UBE3A: variants seen among roughly 807,000 people sequenced by gnomAD.
UBE3A encodes the protein ubiquitin-protein ligase E3A.
In UBE3A, 6 loss-of-function variants were observed where a neutral mutation model predicts 83.4. That is an observed-to-expected ratio of 0.07 (90% CI 0.04 to 0.14). The LOEUF is 0.14. UBE3A is among the 10% of genes least tolerant of loss of function. UBE3A has a pLI of 1.00. For synonymous variants in UBE3A, 337 were observed against 355.4 expected (o/e 0.95, Z 0.58); for missense variants, 456 against 1,036.1 (o/e 0.44, Z 7.69).
chr15:25,356,618 T>G (rs2077249983), intron 8 of UBE3A, 73 bp downstream of exon 8: 1 of 1,457,240 alleles, frequency 6.9e-7, no homozygotes, highest in Non-Finnish European at 9.5e-7. Flanking sequence ...ACTTTAAAAT[T>G]TTGACATAAA....
At chr15:25,340,600 A>C (rs905538617) in intron 11 of UBE3A, among the ~76,000 whole-genome samples, 4 of 152,144 alleles carry the variant, frequency 2.6e-5, no homozygotes, top group Non-Finnish European at 5.9e-5. Context: ...ATTTGGAAAA[A>C]TTAACTCCAG....
At chr15:25,385,860 G>C (rs2083031472) in intron 4 of UBE3A, among the ~76,000 whole-genome samples, 1 of 152,244 alleles carries the variant, frequency 6.6e-6, no homozygotes, top group African/African-American at 2.4e-5. Context: ...CCAATTATAG[G>C]GGGAGCCCTA....
At position 25,371,165 on chromosome 15, in the gene UBE3A, T is replaced by A. The variant is rs368318081; in HGVS notation, c.1009A>T (p.Met337Leu). The A allele has an allele frequency of 2.1e-5, 34 of 1,614,062 alleles. No homozygotes were observed. The highest frequency in any genetic ancestry group is 2.7e-5 in the Non-Finnish European group (32 of 1,180,036). ...KYNADQIRRM[M>L]ETFQQLITYK... The stretch of plus-strand genomic sequence containing the variant: ...GTAATAAGTTGCTGAAATGTCTCCA[T>A]CATTCTCCGAATCTGGTCTGCATTG... The change falls in exon 6 of 13, where the codon ATG (methionine) becomes TTG (leucine). Residue 337 changes from methionine (M) to leucine (L), a missense_variant. Transcript: ENST00000648336. This position sits in a 1 kb window ranked among gnomAD's most constrained non-coding sequence, Gnocchi z 5.3.
chr15:25,336,660 G>A lies in UBE3A; in HGVS notation c.*2477C>T, dbSNP rs2073977172. The A allele has an allele frequency of 6.6e-6, 1 of 152,080 alleles. No individual in the cohort carries two copies. The highest frequency in any genetic ancestry group is 2.1e-4 in the South Asian group (1 of 4,820). 9.4% of individuals were successfully genotyped at this position (152,080 alleles called of 1,614,324 possible). A position where few individuals can be genotyped will look rare whatever the true frequency, so the allele number is the denominator to read the frequency against. ...CAGCTCATTTGCTGGAGCTGCCAAG[G>A]TCCAGAAAAGTTTGGCTGCAGGCTG... is the stretch of plus-strand genomic sequence containing the variant. On this transcript the variant is annotated 3_prime_UTR_variant, in exon 13 of 13. Transcript: ENST00000648336.
At position 25,356,587 on chromosome 15, in the gene UBE3A, C is replaced by T. The variant is rs1017777290; in HGVS notation, c.1959+104G>A. ...ATTTTTATCTTATTGATAAGAGTAT[C>T]AACAAAGATTCTAAACAAAAACTTT... On this transcript the variant is annotated intron_variant, in intron 8 of 12. Coordinates refer to ENST00000648336, the MANE Select transcript of UBE3A (RefSeq NM_130839.5). 5 of 1,145,536 alleles carry T rather than the reference C, an allele frequency of 4.4e-6. No individual in the cohort carries two copies. In the African/African-American group the frequency reaches 6.3e-5, roughly 15 times the overall value. The allele number at this position is 1,145,536 out of a possible 1,614,324, so 71.0% of individuals were successfully genotyped here.
At chr15:25,340,449 A>G (rs911196656) in intron 11 of UBE3A, among the ~76,000 whole-genome samples, 21 of 152,348 alleles carry the variant, frequency 1.4e-4, no homozygotes, top group Admixed American at 1.2e-3. Flanking sequence ...GTAAAATATT[A>G]GTACTACAAT....
intron 4 of UBE3A, among the ~76,000 whole-genome samples, chr15:25,400,508 T>A (rs1286638401): frequency 6.6e-6 from 1 of 152,228 alleles, no homozygotes; most frequent in African/African-American, 2.4e-5. Flanking sequence ...CAAATGTTGG[T>A]TCAATTTGCA....
chr15:25,380,672 A>T (rs1010283759), intron 4 of UBE3A, among the ~76,000 whole-genome samples: 8 of 152,196 alleles, frequency 5.3e-5, no homozygotes, highest in Non-Finnish European at 1.0e-4. Context: ...ATACCTTATC[A>T]GCTGTTCATA....
intron 7 of UBE3A, among the ~76,000 whole-genome samples, chr15:25,359,457 G>A (rs1160581608): frequency 4.1e-5 from 6 of 144,648 alleles, no homozygotes; most frequent in East Asian, 1.9e-4. Context: ...GTGTGTGTGT[G>A]TGTGTGACTA....
chr15:25,345,765 A>AAATC, intron 11 of UBE3A: 1 of 152,168 alleles, frequency 6.6e-6, no homozygotes. Context: ...AAAAAATAAC[A>AAATC]AATCATTAGA....
chr15:25,350,946 CTG>C (rs1351652805), intron 11 of UBE3A, among the ~76,000 whole-genome samples: 2 of 152,138 alleles, frequency 1.3e-5, no homozygotes, highest in Admixed American at 1.3e-4. Context: ...CATGGGAACT[CTG>C]TGCTGATGGA....
intron 11 of UBE3A, chr15:25,346,728 T>C (rs951594120): frequency 3.3e-5 from 5 of 151,540 alleles, no homozygotes; most frequent in African/African-American, 9.7e-5. Flanking sequence ...AAAAATACAA[T>C]AGGAGAAAAA....
intron 11 of UBE3A, among the ~76,000 whole-genome samples, chr15:25,340,692 A>T (rs911113751): frequency 2.6e-5 from 4 of 151,948 alleles, no homozygotes; most frequent in Non-Finnish European, 5.9e-5. Flanking sequence ...TTTGGGAGGA[A>T]AAAGTGATAC....
At chr15:25,426,118 T>C (rs976359069) in intron 1 of UBE3A, among the ~76,000 whole-genome samples, 1 of 152,180 alleles carries the variant, frequency 6.6e-6, no homozygotes, top group African/African-American at 2.4e-5. Flanking sequence ...TAAAATGTTA[T>C]CATTCCTCAT....
intron 9 of UBE3A, among the ~76,000 whole-genome samples, 158 bp downstream of exon 9, chr15:25,355,734 T>C (rs1398001036): frequency 1.3e-5 from 2 of 152,072 alleles, no homozygotes; most frequent in Non-Finnish European, 2.9e-5. Flanking sequence ...CCAACTTATA[T>C]CCAAGATTTA....
At chr15:25,367,491 T>C (rs968143567) in intron 6 of UBE3A, among the ~76,000 whole-genome samples, 2 of 152,068 alleles carry the variant, frequency 1.3e-5, no homozygotes, top group South Asian at 2.1e-4. Context: ...AGGGGAACTA[T>C]GGCAGTAAGT....
At chr15:25,430,039 ATATATATATATT>A (rs1393183135) in intron 1 of UBE3A, among the ~76,000 whole-genome samples, 3 of 114,648 alleles carry the variant, frequency 2.6e-5, no homozygotes, top group South Asian at 2.5e-4. Flanking sequence ...ATATATATAT[ATATATATATATT>A]TATATGTATT....
intron 1 of UBE3A, among the ~76,000 whole-genome samples, chr15:25,414,743 C>T (rs1488088033): frequency 2.6e-5 from 4 of 152,180 alleles, no homozygotes; most frequent in Non-Finnish European, 4.4e-5. Flanking sequence ...AATTCCCCTA[C>T]ATTTCTACAT....
At chr15:25,376,809 A>C (rs777655947) in intron 4 of UBE3A, among the ~76,000 whole-genome samples, 2 of 152,218 alleles carry the variant, frequency 1.3e-5, no homozygotes, top group African/African-American at 4.8e-5. Flanking sequence ...TACTCTGTCA[A>C]CTTAAAGTAC....
Sources: allele counts gnomAD v4.1 joint callset (sites outside exome capture counted in the v4.1 genomes callset), GRCh38; gene constraint gnomAD v4.1.1; non-coding constraint Gnocchi (gnomAD v3.1); transcripts MANE v1.5; gene names NCBI Gene and HGNC (gene_info 2026-07-23, HGNC 2026-07-21).